Variants in MARF1 observed in about 807,000 individuals in gnomAD.
The protein encoded by MARF1 is limkain-b1.
In MARF1, 24 loss-of-function variants were observed where a neutral mutation model predicts 168.2. The observed-to-expected ratio is 0.14, with a 90% confidence interval of 0.10 to 0.20. The LOEUF (loss-of-function observed/expected upper bound fraction) is 0.20. Ranked by LOEUF, MARF1 falls within the 10% of genes least tolerant of loss-of-function variation. MARF1 has a pLI of 1.00. For missense variants in MARF1, 1,744 were observed against 2,143.6 expected (o/e 0.81, Z 3.68); for synonymous variants, 868 against 822.4 (o/e 1.06, Z -0.95).
intron 7 of MARF1, among the ~76,000 whole-genome samples, chr16:15,628,940 ATGGTT>A (rs2035059615): frequency 1.3e-5 from 2 of 152,140 alleles, no homozygotes; most frequent in South Asian, 4.1e-4. Flanking sequence ...GCAAAACTAA[ATGGTT>A]TGAATTATCA....
intron 1 of MARF1, among the ~76,000 whole-genome samples, chr16:15,640,157 T>C (rs967462543): frequency 1.3e-5 from 2 of 152,192 alleles, no homozygotes; most frequent in East Asian, 1.9e-4. Flanking sequence ...TTGACAACTA[T>C]ATGTAAGATT....
chr16:15,612,348 G>A (rs777529550), intron 17 of MARF1, among the ~76,000 whole-genome samples: 18 of 152,204 alleles, frequency 1.2e-4, no homozygotes, highest in Non-Finnish European at 2.5e-4. Context: ...AGTCCTCCAA[G>A]GAGTTCCTCT....
chr16:15,616,452 G>A (rs2034050114), intron 15 of MARF1, among the ~76,000 whole-genome samples: 2 of 152,154 alleles, frequency 1.3e-5, no homozygotes, highest in African/African-American at 2.4e-5. Flanking sequence ...TGGAGATTTC[G>A]ACTGCAGCAC....
chr16:15,597,935 A>G (rs1418157148), intron 26 of MARF1, among the ~76,000 whole-genome samples: 1 of 152,238 alleles, frequency 6.6e-6, no homozygotes, highest in African/African-American at 2.4e-5. Flanking sequence ...TTCCAAGTCA[A>G]CAGCCTCAGT....
At chr16:15,599,490 T>C (rs1168264847) in intron 25 of MARF1, among the ~76,000 whole-genome samples, 1 of 152,216 alleles carries the variant, frequency 6.6e-6, no homozygotes, top group Non-Finnish European at 1.5e-5. Flanking sequence ...TCAGCACTGC[T>C]GAAGGCTGTG....
chr16:15,599,154 TAA>T (rs565989147), intron 25 of MARF1, 130 bp from the exon 26 acceptor site: 8,669 of 293,454 alleles, frequency 0.03, no homozygotes, highest in Middle Eastern at 0.043. Flanking sequence ...TTTAAGGTAT[TAA>T]AAAAAAAAAA....
In MARF1 at chr16:15,635,981, A is replaced by G. The variant is rs200415151; in HGVS notation, c.506T>C (p.Leu169Ser). 175 of 1,614,226 alleles carry G rather than the reference A, an allele frequency of 1.1e-4. No homozygotes were observed. In the East Asian group the frequency reaches 3.8e-3, roughly 35 times the overall value. The stretch of plus-strand genomic sequence containing the variant: ...GGGAAAGTCACTTGCAATGCCTGCC[A>G]AATTGTTCCTAGCTGAGGCATTCTG... The part of the protein sequence containing the change: ...SLQNASARNN[L>S]AGIASDFPSM... The change falls in exon 3 of 27, where the codon TTG (leucine) becomes TCG (serine). Residue 169 changes from leucine (L) to serine (S), a missense_variant. Transcript: ENST00000396368.
At position 15,598,945 on chromosome 16, in the gene MARF1, C is replaced by T. The variant is rs776550027; in HGVS notation, c.4893G>A (p.Ser1631=). ...PVDLLCAPVP[S]CLPSPQLRPD... ...GTCTCAGCTGAGGGGACGGCAGGCA[C>T]GAGGGGACAGGCGCACACAGGAGGT... The change falls in exon 26 of 27, where the codon TCG becomes TCA. Residue 1631 remains serine, a synonymous_variant. Transcript: ENST00000396368. 1.9e-5 allele frequency: 30 copies of T among 1,613,412 alleles called. No individual in the cohort carries two copies. The highest frequency in any genetic ancestry group is 8.3e-5 in the Admixed American group (5 of 59,928).
intron 17 of MARF1, among the ~76,000 whole-genome samples, chr16:15,612,328 A>T (rs1295327886): frequency 1.3e-5 from 2 of 152,236 alleles, no homozygotes; most frequent in African/African-American, 4.8e-5. Context: ...TTAGAGGGAA[A>T]ATACTCCTCA....
At chr16:15,638,958 G>A (rs560945572) in intron 2 of MARF1, 132 bp downstream of exon 2, 4 of 771,428 alleles carry the variant, frequency 5.2e-6, no homozygotes, top group Non-Finnish European at 5.9e-6. Context: ...GGTATAAGAG[G>A]CAATACAGGC....
intron 17 of MARF1, 53 bp downstream of exon 17, chr16:15,612,504 G>A: frequency 6.8e-7 from 1 of 1,472,198 alleles, no homozygotes; most frequent in Non-Finnish European, 9.5e-7. Context: ...GGCAGCCAAA[G>A]CCATGGAGGA....
At chr16:15,623,469 T>C (rs2034616408) in intron 10 of MARF1, among the ~76,000 whole-genome samples, 1 of 151,832 alleles carries the variant, frequency 6.6e-6, no homozygotes, top group Non-Finnish European at 1.5e-5. Flanking sequence ...TTGGTAGAGA[T>C]GGGGTTTTAC....
In MARF1 at chr16:15,596,463, A is replaced by C. The variant is rs1055586779; in HGVS notation, c.*230T>G. 2.6e-6 allele frequency: 1 copy of C among 381,302 alleles called. No individual in the cohort carries two copies. Among genetic ancestry groups the C allele is most frequent in the East Asian group, 4.0e-5 (1 of 24,870 alleles). 23.6% of individuals were successfully genotyped at this position (381,302 alleles called of 1,614,324 possible). A position where few individuals can be genotyped will look rare whatever the true frequency, so the allele number is the denominator to read the frequency against. On this transcript the variant is annotated 3_prime_UTR_variant, in exon 27 of 27. Coordinates refer to ENST00000396368, the MANE Select transcript of MARF1 (RefSeq NM_014647.4). ...TATTAAGGATTCTTTAACAAATGCCACAAGTTCTTCAAATAATTGAAAAAA... is the reference window on the plus strand; with the variant it reads ...TATTAAGGATTCTTTAACAAATGCCCCAAGTTCTTCAAATAATTGAAAAAA...
Position 15,596,547 on chromosome 16 carries a change from GA to G in MARF1, c.*145del. 1 of 718,360 alleles carries G rather than the reference GA, an allele frequency of 1.4e-6. No individual in the cohort carries two copies. The allele number at this position is 718,360 out of a possible 1,614,324, so 44.5% of individuals were successfully genotyped here. A position where few individuals can be genotyped will look rare whatever the true frequency, so the allele number is the denominator to read the frequency against. On this transcript the variant is annotated 3_prime_UTR_variant, in exon 27 of 27. Coordinates refer to ENST00000396368, the MANE Select transcript of MARF1 (RefSeq NM_014647.4). ...GCTCAAAGCTGTGTTCAATGGAAAA[GA>G]AAAACATGATAGAACACAGGTAAGA...
chr16:15,607,962 C>G (rs1028596665), intron 21 of MARF1, among the ~76,000 whole-genome samples: 1 of 152,204 alleles, frequency 6.6e-6, no homozygotes, highest in African/African-American at 2.4e-5. Flanking sequence ...TGGAAGGAGT[C>G]AAGCTCAGGC....
Position 15,643,062 on chromosome 16 carries a change from C to CT in MARF1, c.-104dup. The CT allele has an allele frequency of 3.5e-6, 1 of 288,904 alleles. No homozygotes were observed. The highest frequency in any genetic ancestry group is 2.7e-5 in the South Asian group (1 of 37,694). The allele number at this position is 288,904 out of a possible 1,614,324, so 17.9% of individuals were successfully genotyped here. Reference sequence around the variant, plus strand: ...TCCGCTCACATTCCGGCCCCGCCGCCTTCCCCCCGCCCCCCCCAGGCCCTT... The same window carrying CT: ...TCCGCTCACATTCCGGCCCCGCCGCCTTTCCCCCCGCCCCCCCCAGGCCCTT... On this transcript the variant is annotated 5_prime_UTR_variant, in exon 1 of 27. Transcript: ENST00000396368.
intron 10 of MARF1, 76 bp from the exon 11 acceptor site, chr16:15,623,199 T>C (rs1021270305): frequency 2.5e-6 from 3 of 1,190,248 alleles, no homozygotes; most frequent in Non-Finnish European, 3.4e-6. Context: ...TAGGCTTTGT[T>C]TGAAACTATA....
chr16:15,602,633 G>GGAGGGAGGCAGAGAGGAAA (rs1354211645), intron 22 of MARF1: 2 of 459,164 alleles, frequency 4.4e-6, no homozygotes, highest in South Asian at 1.5e-5. Context: ...AAGGAAAGAA[G>GGAGGGAGGCAGAGAGGAAA]GAAGAGGAGA....
chr16:15,625,311 A>G, intron 8 of MARF1, 61 bp downstream of exon 8: 1 of 1,555,532 alleles, frequency 6.4e-7, no homozygotes, highest in East Asian at 2.3e-5. Flanking sequence ...GCGGGCACGT[A>G]AAACACAGAA....
Sources: allele counts gnomAD v4.1 joint callset (sites outside exome capture counted in the v4.1 genomes callset), GRCh38; gene constraint gnomAD v4.1.1; transcripts MANE v1.5; gene names NCBI Gene and HGNC (gene_info 2026-07-23, HGNC 2026-07-21).